FOLR1: variants seen among roughly 807,000 people sequenced by gnomAD.
FOLR1 encodes KB cells FBP.
FOLR1 carries 11 observed loss-of-function variants against 22.8 expected under a neutral mutation model. That is an observed-to-expected ratio of 0.48 (90% confidence interval 0.30 to 0.80). The LOEUF (loss-of-function observed/expected upper bound fraction) is 0.80, where lower values mean the gene tolerates loss of function less well. Among genes scored for constraint, FOLR1 ranks in the 30% least tolerant of loss-of-function variants. FOLR1 has a pLI of 0.06. For synonymous variants in FOLR1, 108 were observed against 116.5 expected (o/e 0.93, Z 0.47); for missense variants, 273 against 320.3 (o/e 0.85, Z 1.13).
upstream of FOLR1, among the ~76,000 whole-genome samples, chr11:72,191,480 A>C (rs1224484014): frequency 6.6e-6 from 1 of 151,614 alleles, no homozygotes; most frequent in Non-Finnish European, 1.5e-5. Context: ...CTCCTGCCTC[A>C]GCCTCCCACG....
At chr11:72,195,859 C>T (rs781468934) in intron 3 of FOLR1, 38 bp from the exon 4 acceptor site, 183 of 1,613,956 alleles carry the variant, frequency 1.1e-4, no homozygotes, top group Non-Finnish European at 1.4e-4. Flanking sequence ...AAGATAGTTC[C>T]GGGCCCAGTG....
chr11:72,195,308 A>G lies in FOLR1; in HGVS notation c.206A>G (p.Asn69Ser). Residue 69 changes from asparagine (N) to serine (S), a missense_variant, in exon 2 of 4, where the codon AAC becomes AGC. Asn to Ser is a conservative substitution (Grantham distance 46). Transcript: ENST00000393676. ...PWRKNACCST[N>S]TSQEAHKDVS... ...AGGAAGAATGCCTGCTGTTCTACCA[A>G]CACCAGCCAGGAAGCCCATAAGGAT... 1 of 1,614,186 alleles carries G rather than the reference A, an allele frequency of 6.2e-7. No homozygotes were observed. The highest frequency in any genetic ancestry group is 8.5e-7 in the Non-Finnish European group (1 of 1,180,036).
At chr11:72,195,172 G>C in intron 1 of FOLR1, 99 bp from the exon 2 acceptor site, 3 of 1,190,714 alleles carry the variant, frequency 2.5e-6, no homozygotes, top group Middle Eastern at 2.6e-4. Flanking sequence ...CAGTGGGCTG[G>C]GGAATCAAGG....
At chr11:72,192,119 C>T (rs1948163555), upstream of FOLR1, 1 of 1,606,260 alleles carries the variant, frequency 6.2e-7, no homozygotes. Context: ...AACTTAAGGC[C>T]CCACCTCCGC....
chr11:72,195,543 A>G (rs1417672562), intron 2 of FOLR1, 69 bp from the exon 3 acceptor site: 30 of 1,612,850 alleles, frequency 1.9e-5, no homozygotes, highest in Non-Finnish European at 2.3e-5. Flanking sequence ...CCCCAGCTCC[A>G]GTTCTATTCG....
chr11:72,192,943 G>A (rs981978979), intron 1 of FOLR1, among the ~76,000 whole-genome samples: 8 of 152,016 alleles, frequency 5.3e-5, no homozygotes, highest in Non-Finnish European at 7.4e-5. Context: ...TGTGTCTCTC[G>A]ACCACATTGG....
chr11:72,192,432 CTGAAG>C (rs1948169499), intron 1 of FOLR1, 91 bp downstream of exon 1: 1 of 1,415,474 alleles, frequency 7.1e-7, no homozygotes, highest in Non-Finnish European at 9.9e-7. Context: ...CACTGGTGAA[CTGAAG>C]TGGAGGAGCC....
At chr11:72,195,109 C>T (rs576373409) in intron 1 of FOLR1, among the ~76,000 whole-genome samples, 162 bp from the exon 2 acceptor site, 18 of 152,290 alleles carry the variant, frequency 1.2e-4, no homozygotes, top group South Asian at 8.3e-4. Flanking sequence ...CTGTCTCTGA[C>T]GGCCCTCTCC....
At chr11:72,190,634 C>G (rs1320336780), upstream of FOLR1, 2 of 152,216 alleles carry the variant, frequency 1.3e-5, no homozygotes, top group Non-Finnish European at 2.9e-5. Context: ...TCCGGCGTGG[C>G]CCTCAAGGTT....
chr11:72,196,000 C>T lies in FOLR1; in HGVS notation c.597C>T (p.Val199=), dbSNP rs1948227567. ...AAATCTGGACTCACTCCTACAAGGT[C>T]AGCAACTACAGCCGAGGGAGTGGCC... ...CNEIWTHSYK[V]SNYSRGSGRC... The change falls in exon 4 of 4, where the codon GTC becomes GTT. Residue 199 remains valine (V), a synonymous_variant. Coordinates refer to ENST00000393676, the MANE Select transcript of FOLR1 (RefSeq NM_016729.3). 3 of 1,614,220 alleles carry T rather than the reference C, an allele frequency of 1.9e-6. No homozygotes were observed. The highest frequency in any genetic ancestry group is 2.7e-5 in the African/African-American group (2 of 75,064).
At chr11:72,193,587 A>G (rs1266616612) in intron 1 of FOLR1, among the ~76,000 whole-genome samples, 1 of 147,744 alleles carries the variant, frequency 6.8e-6, no homozygotes, top group African/African-American at 2.5e-5. Flanking sequence ...GGCACACGCC[A>G]CCACACCCAG....
rs751184313 is a variant in FOLR1, at chr11:72,195,281, G to T, written c.179G>T (p.Trp60Leu). ...EDKLHEQCRP[W>L]RKNACCSTNT... ...TCTTCCCCCATCCAGTGTCGACCCT[G>T]GAGGAAGAATGCCTGCTGTTCTACC... Residue 60 changes from tryptophan to leucine, a missense_variant, in exon 2 of 4, where the codon TGG becomes TTG. Coordinates refer to ENST00000393676, the MANE Select transcript of FOLR1 (RefSeq NM_016729.3). 6.2e-7 allele frequency: 1 copy of T among 1,613,998 alleles called. No individual in the cohort carries two copies. Among genetic ancestry groups the T allele is most frequent in the Non-Finnish European group, 8.5e-7 (1 of 1,180,018 alleles).
At chr11:72,192,468 G>T (rs1948169854) in intron 1 of FOLR1, 127 bp downstream of exon 1, 1 of 931,818 alleles carries the variant, frequency 1.1e-6, no homozygotes, top group Non-Finnish European at 1.7e-6. Flanking sequence ...CATTAATATG[G>T]GTGACTATTT....
chr11:72,193,480 C>G (rs1948184364), intron 1 of FOLR1, among the ~76,000 whole-genome samples: 1 of 150,682 alleles, frequency 6.6e-6, no homozygotes, highest in South Asian at 2.1e-4. Context: ...GAGTTTTGCT[C>G]TTGTTGCCCA....
chr11:72,196,297 G>A lies in FOLR1; in HGVS notation c.*120G>A, dbSNP rs1266639992. On this transcript the variant is annotated 3_prime_UTR_variant, in exon 4 of 4. Coordinates refer to ENST00000393676, the MANE Select transcript of FOLR1 (RefSeq NM_016729.3). ...AGCCACTTTGAATAAACCAGACACC[G>A]CACATGTGTCTTGAGAATTATTTGG... is the stretch of plus-strand genomic sequence containing the variant. The A allele has an allele frequency of 9.3e-6, 9 of 968,274 alleles. No individual in the cohort carries two copies. Among genetic ancestry groups the A allele is most frequent in the African/African-American group, 3.2e-5 (2 of 62,136 alleles). 60.0% of individuals were successfully genotyped at this position (968,274 alleles called of 1,614,324 possible). A position where few individuals can be genotyped will look rare whatever the true frequency, so the allele number is the denominator to read the frequency against.
At position 72,196,258 on chromosome 11, in the gene FOLR1, G is replaced by A. The variant is rs1948234742; in HGVS notation, c.*81G>A. 5 of 1,505,956 alleles carry A rather than the reference G, an allele frequency of 3.3e-6. No homozygotes were observed. Among genetic ancestry groups the A allele is most frequent in the African/African-American group, 2.8e-5 (2 of 72,714 alleles). The allele number at this position is 1,505,956 out of a possible 1,614,324, so 93.3% of individuals were successfully genotyped here. The stretch of plus-strand genomic sequence containing the variant: ...CCAACTATTTGGTTCCTGCTCCATG[G>A]TCGGGCCTCTGACAGCCACTTTGAA... On this transcript the variant is annotated 3_prime_UTR_variant, in exon 4 of 4. Transcript: ENST00000393676.
chr11:72,191,242 G>A (rs1298445634), upstream of FOLR1, among the ~76,000 whole-genome samples: 1 of 152,202 alleles, frequency 6.6e-6, no homozygotes, highest in Non-Finnish European at 1.5e-5. Context: ...ATGGTTTCCG[G>A]GAAGGGCCTA....
Position 72,192,319 on chromosome 11 carries a change from C to T in FOLR1, c.146C>T (p.Pro49Leu). Residue 49 changes from proline (P) to leucine (L), a missense_variant, in exon 1 of 4, where the codon CCC (proline) becomes CTC (leucine). Pro to Leu is a moderately conservative substitution (Grantham distance 98). Coordinates refer to ENST00000393676, the MANE Select transcript of FOLR1 (RefSeq NM_016729.3). ...AAGCACCACAAGGAAAAGCCAGGCCCCGAGGACAAGTTGCATGAGCAGGTG... is the reference window on the plus strand; with the variant it reads ...AAGCACCACAAGGAAAAGCCAGGCCTCGAGGACAAGTTGCATGAGCAGGTG... ...NAKHHKEKPG[P>L]EDKLHEQCRP... is the part of the protein sequence containing the mutation. The T allele has an allele frequency of 5.0e-6, 8 of 1,614,026 alleles. No individual in the cohort carries two copies. The highest frequency in any genetic ancestry group is 6.8e-6 in the Non-Finnish European group (8 of 1,180,014).
upstream of FOLR1, among the ~76,000 whole-genome samples, chr11:72,191,884 C>T (rs915297411): frequency 1.4e-4 from 22 of 152,120 alleles, no homozygotes; most frequent in Admixed American, 3.3e-4. Context: ...GCATTGTGGA[C>T]CTATGGCAAA....
Sources: gnomAD v4.1 joint callset for allele counts (sites outside exome capture counted in the v4.1 genomes callset) on GRCh38, gnomAD v4.1.1 for gene constraint, MANE v1.5 for transcripts, NCBI Gene and HGNC (gene_info 2026-07-23, HGNC 2026-07-21) for gene names.